Variants in CAMK2D observed in about 807,000 individuals in gnomAD.
CAMK2D encodes the protein calcium/calmodulin-dependent protein kinase type II subunit delta.
CAMK2D carries 37 observed loss-of-function variants against 84.0 expected under a neutral mutation model. That is an observed-to-expected ratio of 0.44 (90% CI 0.34 to 0.58). CAMK2D has a LOEUF of 0.58. Among genes scored for constraint, CAMK2D ranks in the 20% least tolerant of loss-of-function variants. The probability of loss-of-function intolerance (pLI) is 0.02; values close to 1 mark genes in which losing one functional copy is unlikely to be tolerated. For synonymous variants in CAMK2D, 202 were observed against 212.5 expected, an observed-to-expected ratio of 0.95 and a Z score of 0.43; for missense variants, 448 against 652.5, an observed-to-expected ratio of 0.69 and a Z score of 3.41.
At chr4:113,678,490 T>C (rs1034069954) in intron 2 of CAMK2D, among the ~76,000 whole-genome samples, 1 of 152,034 alleles carries the variant, frequency 6.6e-6, no homozygotes, top group Non-Finnish European at 1.5e-5. Context: ...TAAATTTTAG[T>C]TGACACATAT....
chr4:113,494,121 C>G (rs1302610001), intron 16 of CAMK2D, among the ~76,000 whole-genome samples: 1 of 152,188 alleles, frequency 6.6e-6, no homozygotes, highest in Non-Finnish European at 1.5e-5. Flanking sequence ...ATTTGATCAT[C>G]TGAAGCCTTC....
At chr4:113,709,269 A>C (rs1321270529) in intron 2 of CAMK2D, among the ~76,000 whole-genome samples, 2 of 152,164 alleles carry the variant, frequency 1.3e-5, no homozygotes, top group Non-Finnish European at 2.9e-5. Flanking sequence ...AATCCAAAAT[A>C]AATGTTTTTC....
chr4:113,698,645 G>GA (rs1346141838), intron 2 of CAMK2D, among the ~76,000 whole-genome samples: 3 of 151,998 alleles, frequency 2.0e-5, no homozygotes, highest in African/African-American at 7.2e-5. Context: ...AAGTAACCAA[G>GA]AAAATCCCTT....
chr4:113,550,742 C>T (rs1207247067), intron 5 of CAMK2D, among the ~76,000 whole-genome samples: 1 of 152,160 alleles, frequency 6.6e-6, no homozygotes, highest in Non-Finnish European at 1.5e-5. Context: ...TTCCCCATGG[C>T]CCCTTTCAGG....
intron 6 of CAMK2D, among the ~76,000 whole-genome samples, chr4:113,543,830 T>C (rs369644875): frequency 4.3e-4 from 66 of 151,920 alleles, no homozygotes; most frequent in East Asian, 1.9e-3. Flanking sequence ...CTCGCTCTGT[T>C]GCCCAGGCTG....
chr4:113,679,657 A>G (rs2099333662), intron 2 of CAMK2D, among the ~76,000 whole-genome samples: 1 of 152,192 alleles, frequency 6.6e-6, no homozygotes, highest in Non-Finnish European at 1.5e-5. Flanking sequence ...CAAAACTTCT[A>G]AATGTAAACT....
At chr4:113,652,197 T>C (rs1485723978) in intron 3 of CAMK2D, among the ~76,000 whole-genome samples, 3 of 152,208 alleles carry the variant, frequency 2.0e-5, no homozygotes, top group African/African-American at 7.2e-5. Context: ...CTGATCTTGA[T>C]TAAATTGTGT....
At chr4:113,654,210 G>A (rs575039120) in intron 3 of CAMK2D, among the ~76,000 whole-genome samples, 3 of 151,950 alleles carry the variant, frequency 2.0e-5, no homozygotes, top group Admixed American at 6.6e-5. Context: ...GTTGGTCTTA[G>A]GTAATTCCTA....
At chr4:113,738,267 T>A (rs1222093548) in intron 2 of CAMK2D, among the ~76,000 whole-genome samples, 1 of 151,546 alleles carries the variant, frequency 6.6e-6, no homozygotes, top group African/African-American at 2.4e-5. Context: ...TAAACTCCTA[T>A]CTATAAAATC....
intron 3 of CAMK2D, among the ~76,000 whole-genome samples, chr4:113,642,591 C>T (rs755566813): frequency 3.9e-5 from 6 of 152,152 alleles, no homozygotes; most frequent in Admixed American, 2.6e-4. Context: ...GCTATTTATC[C>T]CTCCTCCCTT....
rs113189451 is a variant in CAMK2D, at chr4:113,648,557, C to T, written c.220+13156G>A. 6.8e-3 allele frequency among the ~76,000 whole-genome samples: 1,031 copies of T among 152,274 alleles called. 8 individuals carry two copies. Among genetic ancestry groups the T allele is most frequent in the African/African-American group, 0.019 (795 of 41,534 alleles). Reference sequence around the variant, plus strand: ...AAAAGATACATGTTTGGGAAAGGCACAAGGGACCGGTAAGAAGTGAGCTTT... The same window carrying T: ...AAAAGATACATGTTTGGGAAAGGCATAAGGGACCGGTAAGAAGTGAGCTTT... On this transcript the variant is annotated intron_variant, in intron 3 of 20. Coordinates refer to ENST00000511664, the MANE Select transcript of CAMK2D (RefSeq NM_001321571.2).
chr4:113,534,289 TCCTTTTTTC>T (rs532637756), intron 7 of CAMK2D, among the ~76,000 whole-genome samples: 100 of 152,154 alleles, frequency 6.6e-4, no homozygotes, highest in African/African-American at 2.3e-3. Context: ...ACACCACATC[TCCTTTTTTC>T]TCAGATTACC....
intron 2 of CAMK2D, among the ~76,000 whole-genome samples, chr4:113,693,515 A>G (rs1462012536): frequency 6.6e-6 from 1 of 152,178 alleles, no homozygotes; most frequent in African/African-American, 2.4e-5. Flanking sequence ...ACATCAAGTA[A>G]AGGCAGCAAG....
chr4:113,639,060 T>C (rs1424083173), intron 3 of CAMK2D, among the ~76,000 whole-genome samples: 2 of 146,488 alleles, frequency 1.4e-5, no homozygotes, highest in African/African-American at 2.6e-5. Flanking sequence ...CTGGGCAACA[T>C]AGCGAAACTT....
chr4:113,661,780 A>G lies in CAMK2D; in HGVS notation c.161-8T>C. ...TTTCTAGTTTCTGATGATCTGTTAA[A>G]AAAAAAAACAGAATAAGGCAAAAAT... is the stretch of plus-strand genomic sequence containing the variant. On this transcript the variant is annotated splice_region_variant and splice_polypyrimidine_tract_variant and intron_variant, in intron 2 of 20. Transcript: ENST00000511664. 6.9e-7 allele frequency: 1 copy of G among 1,453,432 alleles called. No individual in the cohort carries two copies. The highest frequency in any genetic ancestry group is 1.3e-5 in the South Asian group (1 of 75,006). 90.0% of individuals were successfully genotyped at this position (1,453,432 alleles called of 1,614,324 possible).
At chr4:113,675,320 T>C (rs924271690) in intron 2 of CAMK2D, among the ~76,000 whole-genome samples, 1 of 152,216 alleles carries the variant, frequency 6.6e-6, no homozygotes, top group Non-Finnish European at 1.5e-5. Flanking sequence ...TAGGCATATA[T>C]ATAACATATT....
chr4:113,725,595 C>T (rs1266011645), intron 2 of CAMK2D, among the ~76,000 whole-genome samples: 3 of 152,048 alleles, frequency 2.0e-5, no homozygotes, highest in East Asian at 3.8e-4. Flanking sequence ...GTTTAATCTG[C>T]TTATAACAAA....
intron 2 of CAMK2D, among the ~76,000 whole-genome samples, chr4:113,758,911 T>C (rs1468432817): frequency 6.6e-6 from 1 of 152,202 alleles, no homozygotes; most frequent in Non-Finnish European, 1.5e-5. Context: ...ACAATTGAAA[T>C]GTATGATTCA....
intron 4 of CAMK2D, among the ~76,000 whole-genome samples, chr4:113,591,470 A>C (rs2098882373): frequency 6.6e-6 from 1 of 152,210 alleles, no homozygotes; most frequent in South Asian, 2.1e-4. Context: ...CTCCCACTGC[A>C]TTGCTCAGTT....
Sources: gnomAD v4.1 joint callset for allele counts (sites outside exome capture counted in the v4.1 genomes callset) on GRCh38, gnomAD v4.1.1 for gene constraint, MANE v1.5 for transcripts, NCBI Gene and HGNC (gene_info 2026-07-23, HGNC 2026-07-21) for gene names.